Variants in GALNT13 observed in about 807,000 individuals in gnomAD.
The protein encoded by GALNT13 is polypeptide N-acetylgalactosaminyltransferase 13.
Under a neutral mutation model 64.2 loss-of-function variants are expected in GALNT13, and 28 were observed. The observed-to-expected ratio is 0.44, with a 90% CI of 0.32 to 0.60. The LOEUF (loss-of-function observed/expected upper bound fraction) is 0.60, where lower values mean the gene tolerates loss of function less well. GALNT13 is among the 20% of genes least tolerant of loss of function. The probability of loss-of-function intolerance (pLI) is 0.05; values close to 1 mark genes in which losing one functional copy is unlikely to be tolerated. For synonymous variants in GALNT13, 214 were observed against 224.6 expected (o/e 0.95, Z 0.42); for missense variants, 577 against 669.8 (o/e 0.86, Z 1.53).
At chr2:153,571,202 A>G in the GALNT13 span, among the ~76,000 whole-genome samples, 4 of 151,822 alleles carry the variant, frequency 2.6e-5, no homozygotes, top group Non-Finnish European at 5.9e-5. Flanking sequence ...TCTAGTATTT[A>G]ATTTTATGTG....
At chr2:154,126,655 C>CA (rs1001053780) in intron 3 of GALNT13, among the ~76,000 whole-genome samples, 7 of 139,432 alleles carry the variant, frequency 5.0e-5, no homozygotes, top group African/African-American at 7.9e-5. Flanking sequence ...AAAAAAAAAA[C>CA]AAAAAAAAGA....
intron 7 of GALNT13, among the ~76,000 whole-genome samples, chr2:154,253,311 ATAT>A (rs1690188096): frequency 2.0e-5 from 3 of 152,172 alleles, no homozygotes; most frequent in Admixed American, 2.0e-4. Flanking sequence ...AATACAGGAT[ATAT>A]TGTCTTCTTG....
chr2:154,197,490 A>C (rs544364664), intron 4 of GALNT13, among the ~76,000 whole-genome samples: 206 of 152,268 alleles, frequency 1.4e-3, no homozygotes, highest in Non-Finnish European at 2.5e-3. Context: ...TTAGAAGAAA[A>C]TAAATGAGTA....
At chr2:154,112,198 C>T (rs1392235388) in intron 3 of GALNT13, among the ~76,000 whole-genome samples, 1 of 152,164 alleles carries the variant, frequency 6.6e-6, no homozygotes, top group Non-Finnish European at 1.5e-5. Context: ...GTGTTGGTCT[C>T]TGCTGCTGGC....
intron 3 of GALNT13, among the ~76,000 whole-genome samples, chr2:153,997,949 C>T (rs1195720034): frequency 6.6e-6 from 1 of 152,156 alleles, no homozygotes; most frequent in Non-Finnish European, 1.5e-5. Context: ...CAGCTTCATC[C>T]ATGTCCCTGC....
intron 4 of GALNT13, among the ~76,000 whole-genome samples, chr2:154,178,482 G>A (rs1685777444): frequency 6.6e-6 from 1 of 151,748 alleles, no homozygotes; most frequent in African/African-American, 2.4e-5. Flanking sequence ...GAGTTAATGG[G>A]TGCAGTACAC....
the GALNT13 span, among the ~76,000 whole-genome samples, chr2:153,441,589 A>G: frequency 4.6e-5 from 7 of 152,072 alleles, no homozygotes; most frequent in Admixed American, 3.3e-4. Context: ...AGCATGGAAT[A>G]TTTTTCCATT....
chr2:153,616,065 C>T, the GALNT13 span, among the ~76,000 whole-genome samples: 26 of 151,800 alleles, frequency 1.7e-4, no homozygotes, highest in Non-Finnish European at 3.1e-4. Context: ...TCATAGGCTG[C>T]GGTCTTATAT....
chr2:154,164,042 C>A (rs535623699), intron 4 of GALNT13, among the ~76,000 whole-genome samples: 8 of 152,110 alleles, frequency 5.3e-5, no homozygotes, highest in Admixed American at 5.2e-4. Flanking sequence ...ATTTGGCATG[C>A]CAAATAGTGC....
the GALNT13 span, among the ~76,000 whole-genome samples, chr2:153,570,609 C>A: frequency 6.6e-6 from 1 of 152,154 alleles, no homozygotes; most frequent in Middle Eastern, 3.4e-3. Flanking sequence ...TTTAAGCCTT[C>A]AATCCATTTT....
At chr2:153,827,073 G>C in the GALNT13 span, among the ~76,000 whole-genome samples, 1 of 152,032 alleles carries the variant, frequency 6.6e-6, no homozygotes, top group African/African-American at 2.4e-5. Context: ...ATTGGACTTA[G>C]AGTCTCACAT....
the GALNT13 span, among the ~76,000 whole-genome samples, chr2:153,353,585 T>A: frequency 6.6e-6 from 1 of 151,876 alleles, no homozygotes; most frequent in East Asian, 1.9e-4. Flanking sequence ...AGCTGTAGGT[T>A]TTTTGTAGAT....
chr2:153,654,168 A>G, the GALNT13 span, among the ~76,000 whole-genome samples: 3 of 152,168 alleles, frequency 2.0e-5, no homozygotes, highest in Non-Finnish European at 4.4e-5. Flanking sequence ...TGCAAAATCC[A>G]AATCCTAAAG....
At chr2:154,224,920 GA>G (rs1181370709) in intron 4 of GALNT13, among the ~76,000 whole-genome samples, 2 of 152,196 alleles carry the variant, frequency 1.3e-5, no homozygotes, top group Non-Finnish European at 2.9e-5. Flanking sequence ...TAAGTTAAAT[GA>G]AAAGACAAAC....
At chr2:154,262,325 T>C (rs1416007893) in intron 8 of GALNT13, among the ~76,000 whole-genome samples, 1 of 152,162 alleles carries the variant, frequency 6.6e-6, no homozygotes, top group Admixed American at 6.5e-5. Context: ...CAGTTGATGG[T>C]ATTATTAGGA....
the GALNT13 span, among the ~76,000 whole-genome samples, chr2:153,084,819 C>G: frequency 1.3e-5 from 2 of 152,112 alleles, no homozygotes; most frequent in Non-Finnish European, 2.9e-5. Context: ...CATGAGAACA[C>G]ACTAGTACAG....
the GALNT13 span, among the ~76,000 whole-genome samples, chr2:153,819,586 T>G: frequency 6.6e-6 from 1 of 152,162 alleles, no homozygotes; most frequent in African/African-American, 2.4e-5. Context: ...CTCATCCACA[T>G]GGAACAACAC....
intron 3 of GALNT13, among the ~76,000 whole-genome samples, chr2:153,969,859 A>C (rs763649750): frequency 3.9e-5 from 6 of 152,086 alleles, no homozygotes; most frequent in Admixed American, 1.3e-4. Context: ...TATTTGGGGC[A>C]TGCCTAATCC....
At chr2:154,254,567 A>T (rs1277261092) in intron 7 of GALNT13, among the ~76,000 whole-genome samples, 1 of 152,202 alleles carries the variant, frequency 6.6e-6, no homozygotes, top group East Asian at 1.9e-4. Flanking sequence ...AACAGAGATG[A>T]GTCAAAAATA....
Sources: allele counts gnomAD v4.1 joint callset (sites outside exome capture counted in the v4.1 genomes callset), GRCh38; gene constraint gnomAD v4.1.1; transcripts MANE v1.5; gene names NCBI Gene and HGNC (gene_info 2026-07-23, HGNC 2026-07-21).